The following CADPS variants were observed in gnomAD, a reference collection of about 807,000 sequenced individuals.
CADPS encodes calcium-dependent secretion activator 1.
A neutral mutation model predicts 167.3 loss-of-function variants in CADPS; 57 were observed. That is an observed-to-expected ratio of 0.34 (90% confidence interval 0.28 to 0.42). The LOEUF (loss-of-function observed/expected upper bound fraction) is 0.42, where lower values mean the gene tolerates loss of function less well. Ranked by LOEUF, CADPS falls within the 20% of genes least tolerant of loss-of-function variation. The probability of loss-of-function intolerance (pLI) is 1.00; values close to 1 mark genes in which losing one functional copy is unlikely to be tolerated. For synonymous variants in CADPS, 676 were observed against 635.3 expected (o/e 1.06, Z -0.96); for missense variants, 1,414 against 1,738.1 (o/e 0.81, Z 3.32).
chr3:62,423,454 G>A (rs547053825), intron 28 of CADPS, among the ~76,000 whole-genome samples: 2 of 152,372 alleles, frequency 1.3e-5, no homozygotes, highest in African/African-American at 4.8e-5. Context: ...AAGAACCCCA[G>A]TGGATGAATT....
intron 8 of CADPS, among the ~76,000 whole-genome samples, chr3:62,583,175 C>G (rs1316374138): frequency 1.3e-5 from 2 of 151,792 alleles, no homozygotes; most frequent in African/African-American, 4.8e-5. Context: ...CTCTCTCTCT[C>G]TCTCTCTCTC....
chr3:62,500,494 A>G (rs1480630040), intron 17 of CADPS: 1 of 152,188 alleles, frequency 6.6e-6, no homozygotes, highest in Non-Finnish European at 1.5e-5. Context: ...AACTGCTTGG[A>G]TTCAACCAGT....
chr3:62,595,407 T>C (rs901944604), intron 6 of CADPS, among the ~76,000 whole-genome samples: 1 of 152,176 alleles, frequency 6.6e-6, no homozygotes, highest in Non-Finnish European at 1.5e-5. Flanking sequence ...CAGATATCTT[T>C]AGTTCAAATT....
chr3:62,724,017 G>C lies in CADPS; in HGVS notation c.888+29424C>G, dbSNP rs1479902086. On this transcript the variant is annotated intron_variant, in intron 3 of 29. Coordinates refer to ENST00000383710, the MANE Select transcript of CADPS (RefSeq NM_003716.4). ...TTCTGTGTCCAAGGGAGCTGCACTTGTGGCTTGCTGGTGCAGTGAGATGGG... is the reference window on the plus strand; with the variant it reads ...TTCTGTGTCCAAGGGAGCTGCACTTCTGGCTTGCTGGTGCAGTGAGATGGG... Among the ~76,000 whole-genome samples, 3 of 152,238 alleles carry C rather than the reference G, an allele frequency of 2.0e-5. No homozygotes were observed. In the East Asian group the frequency reaches 5.8e-4, roughly 29 times the overall value.
chr3:62,749,573 A>G (rs2082243141), intron 3 of CADPS, among the ~76,000 whole-genome samples: 1 of 152,210 alleles, frequency 6.6e-6, no homozygotes. Context: ...AAGTGATACA[A>G]TATCATTTCT....
chr3:62,859,942 C>G (rs1326332504), intron 1 of CADPS, among the ~76,000 whole-genome samples: 1 of 152,136 alleles, frequency 6.6e-6, no homozygotes, highest in Non-Finnish European at 1.5e-5. Context: ...GGCCCTCTGC[C>G]TTGGTTTAGT....
At chr3:62,693,044 A>G (rs1253263679) in intron 3 of CADPS, among the ~76,000 whole-genome samples, 2 of 148,330 alleles carry the variant, frequency 1.3e-5, no homozygotes, top group African/African-American at 5.0e-5. Flanking sequence ...TTGGCCATCA[A>G]GTTTTTCCCC....
chr3:62,496,693 A>C (rs1161823506), intron 18 of CADPS, among the ~76,000 whole-genome samples: 1 of 152,198 alleles, frequency 6.6e-6, no homozygotes, highest in Non-Finnish European at 1.5e-5. Context: ...CTGGAAGAGA[A>C]GAGGCAAAGC....
intron 27 of CADPS, among the ~76,000 whole-genome samples, chr3:62,442,779 G>A (rs1252008592): frequency 6.6e-6 from 1 of 152,094 alleles, no homozygotes; most frequent in Non-Finnish European, 1.5e-5. Context: ...TTCACCAGGT[G>A]ACCTTGGGCA....
At chr3:62,799,923 G>A (rs1301915995) in intron 1 of CADPS, among the ~76,000 whole-genome samples, 3 of 152,182 alleles carry the variant, frequency 2.0e-5, no homozygotes, top group Admixed American at 6.5e-5. Context: ...AGTAGAGATA[G>A]AGCTTCTCTG....
intron 13 of CADPS, among the ~76,000 whole-genome samples, chr3:62,529,605 A>G (rs952362351): frequency 9.8e-5 from 15 of 152,310 alleles, no homozygotes; most frequent in African/African-American, 3.4e-4. Context: ...CTATCCTTAC[A>G]TATTGCGGTG....
At chr3:62,777,167 A>G (rs1209570271) in intron 1 of CADPS, among the ~76,000 whole-genome samples, 1 of 152,202 alleles carries the variant, frequency 6.6e-6, no homozygotes. Context: ...TGGGTCTTAT[A>G]AGGTTTAATA....
At chr3:62,846,109 C>T (rs1577229701) in intron 1 of CADPS, among the ~76,000 whole-genome samples, 1 of 151,804 alleles carries the variant, frequency 6.6e-6, no homozygotes. Context: ...GACATTTTTG[C>T]TTCCCATTCT....
intron 1 of CADPS, among the ~76,000 whole-genome samples, chr3:62,786,741 G>C (rs1224760620): frequency 6.6e-6 from 1 of 152,138 alleles, no homozygotes; most frequent in Non-Finnish European, 1.5e-5. Flanking sequence ...TCTGCTCTCA[G>C]AGGTTTTGAA....
intron 28 of CADPS, among the ~76,000 whole-genome samples, chr3:62,411,967 A>G (rs1344028294): frequency 6.6e-6 from 1 of 152,200 alleles, no homozygotes; most frequent in Non-Finnish European, 1.5e-5. Context: ...AACTGCTCTT[A>G]GAAATGGGTA....
At chr3:62,669,099 T>C (rs1378699833) in intron 3 of CADPS, among the ~76,000 whole-genome samples, 1 of 152,212 alleles carries the variant, frequency 6.6e-6, no homozygotes, top group Non-Finnish European at 1.5e-5. Flanking sequence ...CAGGGGTCTC[T>C]ATAAGCAGCT....
chr3:62,411,526 C>T (rs186492830), intron 28 of CADPS, among the ~76,000 whole-genome samples: 8 of 152,296 alleles, frequency 5.3e-5, no homozygotes, highest in South Asian at 4.1e-4. Flanking sequence ...GCTTTCAATG[C>T]GTATTTCTTC....
rs1049494730 is a variant in CADPS, at chr3:62,601,235, A to G, written c.1326-8487T>C. 2.6e-5 allele frequency among the ~76,000 whole-genome samples: 4 copies of G among 152,198 alleles called. No homozygotes were observed. Among genetic ancestry groups the G allele is most frequent in the Non-Finnish European group, 5.9e-5 (4 of 68,042 alleles). ...CACATGAATATTATATGAAATTCAA[A>G]TTTTGATGCCCATCAATAACGTTTT... On this transcript the variant is annotated intron_variant, in intron 6 of 29. Transcript: ENST00000383710. This position sits in a 1 kb window ranked among gnomAD's most constrained non-coding sequence, Gnocchi z 4.3.
At chr3:62,646,983 C>T (rs1185924874) in intron 5 of CADPS, among the ~76,000 whole-genome samples, 1 of 152,174 alleles carries the variant, frequency 6.6e-6, no homozygotes, top group Non-Finnish European at 1.5e-5. Context: ...TCTGGCACTT[C>T]CTACCACCTC....
Sources: allele counts gnomAD v4.1 joint callset (sites outside exome capture counted in the v4.1 genomes callset), GRCh38; gene constraint gnomAD v4.1.1; non-coding constraint Gnocchi (gnomAD v3.1); transcripts MANE v1.5; gene names NCBI Gene and HGNC (gene_info 2026-07-23, HGNC 2026-07-21).